The following LRP1B variants were observed in gnomAD, a reference collection of about 807,000 sequenced individuals.
The protein encoded by LRP1B is LDL receptor related protein 1B.
LRP1B carries 217 observed loss-of-function variants against 556.6 expected under a neutral mutation model. The ratio of observed to expected loss-of-function variants is 0.39; its 90% CI spans 0.35 to 0.44. LRP1B has a LOEUF of 0.44. Among genes scored for constraint, LRP1B ranks in the 20% least tolerant of loss-of-function variants. The pLI, the probability that LRP1B is intolerant of heterozygous loss-of-function variation, is 1.00. For synonymous variants in LRP1B, 2,047 were observed against 1,865.8 expected, an observed-to-expected ratio of 1.10 and a Z score of -2.50; for missense variants, 5,053 against 5,620.8, an observed-to-expected ratio of 0.90 and a Z score of 3.23.
intron 1 of LRP1B, among the ~76,000 whole-genome samples, chr2:142,095,607 T>C (rs1254375925): frequency 6.6e-6 from 1 of 151,804 alleles, no homozygotes; most frequent in Non-Finnish European, 1.5e-5. Flanking sequence ...AGTTAATTAC[T>C]ACCTCTGGCC....
At chr2:140,712,342 G>A (rs12691557) in intron 37 of LRP1B, among the ~76,000 whole-genome samples, 3 of 151,650 alleles carry the variant, frequency 2.0e-5, no homozygotes, top group Non-Finnish European at 2.9e-5. Context: ...TCCCCTTTTC[G>A]ACTGACTATG....
intron 82 of LRP1B, among the ~76,000 whole-genome samples, chr2:140,317,701 A>G (rs979580715): frequency 1.3e-5 from 2 of 152,162 alleles, no homozygotes; most frequent in Non-Finnish European, 2.9e-5. Flanking sequence ...GTGGACAGTG[A>G]AGATAAGCAC....
intron 66 of LRP1B, among the ~76,000 whole-genome samples, chr2:140,389,684 T>C (rs1304393080): frequency 6.7e-6 from 1 of 148,852 alleles, no homozygotes; most frequent in Non-Finnish European, 1.5e-5. Flanking sequence ...AAATGTTGTT[T>C]AAAATGTTCA....
At chr2:141,213,710 C>T (rs1682663352) in intron 6 of LRP1B, among the ~76,000 whole-genome samples, 1 of 152,182 alleles carries the variant, frequency 6.6e-6, no homozygotes, top group Admixed American at 6.5e-5. Context: ...GCACATGCTT[C>T]TGTATATTTT....
chr2:140,353,085 A>G lies in LRP1B; in HGVS notation c.11531-13T>C. ...CATTCATTAAGGTCTAGAAAAGAAG[A>G]GCTCAAAATAGCATCATCATACCCT... is the stretch of plus-strand genomic sequence containing the variant. On this transcript the variant is annotated splice_polypyrimidine_tract_variant and intron_variant, in intron 75 of 90. Transcript: ENST00000389484. 6.2e-7 allele frequency: 1 copy of G among 1,612,096 alleles called. No individual in the cohort carries two copies. Among genetic ancestry groups the G allele is most frequent in the Non-Finnish European group, 8.5e-7 (1 of 1,179,118 alleles).
chr2:140,549,353 A>C (rs1680461579), intron 43 of LRP1B, among the ~76,000 whole-genome samples: 1 of 152,170 alleles, frequency 6.6e-6, no homozygotes, highest in Admixed American at 6.5e-5. Context: ...GTATTCACCA[A>C]TTTGGACTAG....
At chr2:141,141,804 C>G (rs575862776) in intron 7 of LRP1B, among the ~76,000 whole-genome samples, 2 of 152,046 alleles carry the variant, frequency 1.3e-5, no homozygotes, top group East Asian at 3.9e-4. Context: ...CTTTAGTCTT[C>G]CAATAATGAG....
At chr2:140,642,261 C>T (rs138899389) in intron 41 of LRP1B, among the ~76,000 whole-genome samples, 3 of 152,282 alleles carry the variant, frequency 2.0e-5, no homozygotes, top group Non-Finnish European at 2.9e-5. Context: ...TTCCACTTAG[C>T]CTGTGCCGAG....
chr2:141,337,329 T>C (rs1355892447), intron 3 of LRP1B, among the ~76,000 whole-genome samples: 4 of 152,220 alleles, frequency 2.6e-5, no homozygotes, highest in Non-Finnish European at 5.9e-5. Flanking sequence ...CTATTTAGCA[T>C]TCTAATATTG....
chr2:141,031,011 G>A (rs1338061513), intron 11 of LRP1B, among the ~76,000 whole-genome samples: 1 of 151,798 alleles, frequency 6.6e-6, no homozygotes, highest in African/African-American at 2.4e-5. Flanking sequence ...TAAGCTCTAG[G>A]TCCCTAACAT....
At chr2:140,725,208 A>G (rs1687549250) in intron 35 of LRP1B, among the ~76,000 whole-genome samples, 2 of 152,280 alleles carry the variant, frequency 1.3e-5, no homozygotes, top group Middle Eastern at 6.8e-3. Context: ...ACTCTTTTAA[A>G]GATATTTTTG....
chr2:140,326,306 T>C (rs1680474412), intron 79 of LRP1B, among the ~76,000 whole-genome samples: 1 of 152,192 alleles, frequency 6.6e-6, no homozygotes, highest in Non-Finnish European at 1.5e-5. Flanking sequence ...TTTTAATTCC[T>C]TCACGAAGGT....
chr2:140,882,773 G>A lies in LRP1B; in HGVS notation c.4169+1044C>T, dbSNP rs116500710. Among the ~76,000 whole-genome samples the A allele has an allele frequency of 5.8e-3, 883 of 152,184 alleles. 10 individuals are homozygous for A. Among genetic ancestry groups the A allele is most frequent in the African/African-American group, 0.02 (827 of 41,512 alleles). On this transcript the variant is annotated intron_variant, in intron 25 of 90. Transcript: ENST00000389484. The stretch of plus-strand genomic sequence containing the variant: ...TGGCCAGGAGGCCGACTTAGACATC[G>A]CCTGGCTTTTCTCTCTTATCTCGTT...
intron 35 of LRP1B, among the ~76,000 whole-genome samples, chr2:140,725,825 A>G (rs1304321249): frequency 2.0e-5 from 3 of 151,992 alleles, no homozygotes; most frequent in Non-Finnish European, 4.4e-5. Flanking sequence ...CTTCTTCTTC[A>G]TCTCAATTTA....
At chr2:141,020,194 G>T (rs12615322) in intron 11 of LRP1B, 92 bp from the exon 12 acceptor site, 436,172 of 772,038 alleles carry the variant, frequency 0.56, 124,500 homozygotes, top group Admixed American at 0.6. Context: ...AAAAACTTTA[G>T]TTCAAAAAGG....
At chr2:140,427,718 C>G (rs1685723036) in intron 66 of LRP1B, among the ~76,000 whole-genome samples, 1 of 152,006 alleles carries the variant, frequency 6.6e-6, no homozygotes, top group Admixed American at 6.6e-5. Flanking sequence ...CTTTCCCCAC[C>G]ACCTGTCCCC....
At chr2:141,011,169 GATTTTCTCTTCAATTGCTAT>G (rs1429720617) in intron 14 of LRP1B, among the ~76,000 whole-genome samples, 1 of 147,140 alleles carries the variant, frequency 6.8e-6, no homozygotes, top group Non-Finnish European at 1.5e-5. Context: ...TTAGAGATTT[GATTTTCTCTTCAATTGCTAT>G]ATTTTATCCA....
intron 52 of LRP1B, among the ~76,000 whole-genome samples, chr2:140,509,083 A>ACAAAC (rs1558931371): frequency 4.1e-4 from 61 of 148,902 alleles, no homozygotes; most frequent in Admixed American, 2.1e-3. Context: ...CACACACACA[A>ACAAAC]ACACACACAC....
chr2:141,127,106 G>A (rs533551405), intron 7 of LRP1B, among the ~76,000 whole-genome samples: 49 of 151,834 alleles, frequency 3.2e-4, no homozygotes, highest in Non-Finnish European at 3.8e-4. Context: ...GAGAACACGC[G>A]GTGTTTGGTT....
Sources: allele counts gnomAD v4.1 joint callset (sites outside exome capture counted in the v4.1 genomes callset), GRCh38; gene constraint gnomAD v4.1.1; transcripts MANE v1.5; gene names NCBI Gene and HGNC (gene_info 2026-07-23, HGNC 2026-07-21).